Variants in TOX3 observed in about 807,000 individuals in gnomAD.
The protein encoded by TOX3 is CAG trinucleotide repeat-containing gene F9 protein.
In TOX3, 22 loss-of-function variants were observed where a neutral mutation model predicts 64.3. The ratio of observed to expected loss-of-function variants is 0.34; its 90% CI spans 0.24 to 0.49. The LOEUF is 0.49. Among genes scored for constraint, TOX3 ranks in the 20% least tolerant of loss-of-function variants. TOX3 has a pLI of 0.99. For missense variants in TOX3, 661 were observed against 714.4 expected (o/e 0.93, Z 0.85); for synonymous variants, 291 against 273.6 (o/e 1.06, Z -0.63).
At chr16:52,483,564 G>GTTTT (rs11304815) in intron 1 of TOX3, among the ~76,000 whole-genome samples, 1,016 of 99,396 alleles carry the variant, frequency 0.01, 16 homozygotes, top group Non-Finnish European at 0.011. Flanking sequence ...GGGCAGTTTG[G>GTTTT]TTTTTTTTTT....
intron 6 of TOX3, among the ~76,000 whole-genome samples, chr16:52,443,977 C>T (rs980008577): frequency 6.6e-6 from 1 of 152,116 alleles, no homozygotes; most frequent in South Asian, 2.1e-4. Flanking sequence ...TAGCACAGGT[C>T]CCAATCCCTG....
chr16:52,439,726 G>A lies in TOX3; in HGVS notation c.1230C>T (p.Asn410=), dbSNP rs1430535153. ...TGGAGCTTATCAGTGGAGCCCCAATGTTCGAGGGCATGTTGGCTGCAATGG... is the reference window on the plus strand; with the variant it reads ...TGGAGCTTATCAGTGGAGCCCCAATATTCGAGGGCATGTTGGCTGCAATGG... ...SVTIAANMPS[N]IGAPLISSMG... Residue 410 remains asparagine (N), a synonymous_variant, in exon 7 of 7, where the codon AAC becomes AAT. Transcript: ENST00000219746. 1 of 1,613,892 alleles carries A rather than the reference G, an allele frequency of 6.2e-7. No individual in the cohort carries two copies. The highest frequency in any genetic ancestry group is 2.2e-5 in the East Asian group (1 of 44,884).
intron 1 of TOX3, among the ~76,000 whole-genome samples, chr16:52,529,979 C>A (rs1962816158): frequency 6.6e-6 from 1 of 152,212 alleles, no homozygotes. Context: ...AATATGCCAT[C>A]GTGAGCATTC....
At chr16:52,505,739 G>C (rs542632665) in intron 1 of TOX3, among the ~76,000 whole-genome samples, 6 of 152,334 alleles carry the variant, frequency 3.9e-5, no homozygotes, top group East Asian at 3.9e-4. Context: ...CACTTTGGGA[G>C]ATCGAGGCAG....
At chr16:52,524,690 C>A (rs963490384) in intron 1 of TOX3, among the ~76,000 whole-genome samples, 1 of 152,110 alleles carries the variant, frequency 6.6e-6, no homozygotes, top group Non-Finnish European at 1.5e-5. Flanking sequence ...AGCCACCATC[C>A]AAAAAGAAAT....
intron 1 of TOX3, among the ~76,000 whole-genome samples, chr16:52,500,752 T>A (rs1205753901): frequency 1.3e-5 from 2 of 152,254 alleles, no homozygotes; most frequent in African/African-American, 4.8e-5. Context: ...AAGTAGAAAC[T>A]ATCATATTTC....
rs1959845015 is a variant in TOX3, at chr16:52,439,081, T to C, written c.*144A>G. ...CAGCTACACTGCAGTTCTTATTGCC[T>C]ATCTAATAGACACTTGAGAGGACCG... On this transcript the variant is annotated 3_prime_UTR_variant, in exon 7 of 7. Transcript: ENST00000219746. 1 of 1,169,078 alleles carries C rather than the reference T, an allele frequency of 8.6e-7. No individual in the cohort carries two copies. Among genetic ancestry groups the C allele is most frequent in the African/African-American group, 1.5e-5 (1 of 66,124 alleles). 72.4% of individuals were successfully genotyped at this position (1,169,078 alleles called of 1,614,324 possible).
Position 52,492,908 on chromosome 16 carries a change from A to AT in TOX3, c.88-24335_88-24334insA, listed in dbSNP as rs1250236599. 4.6e-5 allele frequency among the ~76,000 whole-genome samples: 7 copies of AT among 151,904 alleles called. 1 individual carries two copies. The highest frequency in any genetic ancestry group is 1.0e-4 in the Non-Finnish European group (7 of 67,978). On this transcript the variant is annotated intron_variant, in intron 1 of 6. Transcript: ENST00000219746. ...CAGAAAACCCAACTGCAAAAAAAAA[A>AT]AAAAAGTTCACTCCAGCTTTCGTTC...
At chr16:52,494,256 G>T (rs1405439199) in intron 1 of TOX3, among the ~76,000 whole-genome samples, 1 of 152,164 alleles carries the variant, frequency 6.6e-6, no homozygotes, top group African/African-American at 2.4e-5. Flanking sequence ...AGTGCAATGT[G>T]AGCAGAAGGA....
At chr16:52,545,966 C>T (rs1321878295) in intron 1 of TOX3, among the ~76,000 whole-genome samples, 2 of 152,154 alleles carry the variant, frequency 1.3e-5, no homozygotes, top group Non-Finnish European at 2.9e-5. Flanking sequence ...CAATCCCGAT[C>T]TCCCCGAAAT....
chr16:52,526,474 C>T (rs534566486), intron 1 of TOX3, among the ~76,000 whole-genome samples: 2 of 152,214 alleles, frequency 1.3e-5, no homozygotes, highest in Admixed American at 6.5e-5. Context: ...CACTTTATCT[C>T]CCCCAATCTT....
At chr16:52,494,217 G>A (rs531057242) in intron 1 of TOX3, among the ~76,000 whole-genome samples, 3 of 152,264 alleles carry the variant, frequency 2.0e-5, no homozygotes, top group East Asian at 3.9e-4. Context: ...TTTGATGCGG[G>A]TTGGGGGGCA....
intron 1 of TOX3, among the ~76,000 whole-genome samples, chr16:52,489,827 C>T (rs1310905793): frequency 1.3e-5 from 2 of 152,048 alleles, no homozygotes; most frequent in African/African-American, 4.8e-5. Context: ...AAAGCCACGA[C>T]CTTTGATTCT....
intron 1 of TOX3, among the ~76,000 whole-genome samples, chr16:52,522,802 T>A (rs2151479670): frequency 6.6e-6 from 1 of 152,330 alleles, no homozygotes; most frequent in East Asian, 1.9e-4. Flanking sequence ...CCAAGTACCA[T>A]GAGAAGCATT....
At chr16:52,466,939 A>T (rs1960884728) in intron 2 of TOX3, among the ~76,000 whole-genome samples, 1 of 152,188 alleles carries the variant, frequency 6.6e-6, no homozygotes, top group South Asian at 2.1e-4. Context: ...CAACAAAAAG[A>T]CACACTGACT....
intron 1 of TOX3, among the ~76,000 whole-genome samples, chr16:52,529,554 G>C (rs1371329670): frequency 1.3e-5 from 2 of 152,082 alleles, no homozygotes; most frequent in African/African-American, 2.4e-5. Flanking sequence ...ATCAAAGCAA[G>C]GAAAAAGTAA....
chr16:52,480,837 T>C (rs1961349701), intron 1 of TOX3, among the ~76,000 whole-genome samples: 1 of 152,120 alleles, frequency 6.6e-6, no homozygotes, highest in Admixed American at 6.5e-5. Context: ...GATAAAGCCA[T>C]AAACAGTTAT....
chr16:52,442,813 G>C (rs1185781138), intron 6 of TOX3, among the ~76,000 whole-genome samples: 1 of 152,000 alleles, frequency 6.6e-6, no homozygotes, highest in Non-Finnish European at 1.5e-5. Context: ...CCAAACCCTA[G>C]TATTTTAAAT....
At chr16:52,489,491 C>A (rs531735410) in intron 1 of TOX3, among the ~76,000 whole-genome samples, 1 of 152,274 alleles carries the variant, frequency 6.6e-6, no homozygotes, top group East Asian at 1.9e-4. Context: ...TCTCCTCTGA[C>A]ATTTTCAGCT....
Sources: gnomAD v4.1 joint callset for allele counts (sites outside exome capture counted in the v4.1 genomes callset) on GRCh38, gnomAD v4.1.1 for gene constraint, MANE v1.5 for transcripts, NCBI Gene and HGNC (gene_info 2026-07-23, HGNC 2026-07-21) for gene names.